ATRX: variants seen among roughly 807,000 people sequenced by gnomAD.
ATRX encodes the protein chromatin remodeler ATRX.
A neutral mutation model predicts 172.6 loss-of-function variants in ATRX; 12 were observed. The observed-to-expected ratio is 0.07, with a 90% CI of 0.04 to 0.11. The LOEUF (loss-of-function observed/expected upper bound fraction) is 0.11, where lower values mean the gene tolerates loss of function less well. Ranked by LOEUF, ATRX falls within the 10% of genes least tolerant of loss-of-function variation. The pLI is 1.00. For missense variants in ATRX, 1,368 were observed against 1,767.4 expected, an observed-to-expected ratio of 0.77 and a Z score of 4.05; for synonymous variants, 674 against 594.7, an observed-to-expected ratio of 1.13 and a Z score of -1.94.
rs782263316 is a variant in ATRX at position 77,651,357 on chromosome X, A to T, written c.4557+757T>A. Among the ~76,000 whole-genome samples the T allele has an allele frequency of 8.1e-5, 9 of 111,104 alleles. No homozygotes were observed. The East Asian group carries it at 2.5e-3, about 31-fold the overall frequency. On this transcript the variant is annotated intron_variant, in intron 15 of 34. Coordinates refer to ENST00000373344, the MANE Select transcript of ATRX (RefSeq NM_000489.6). ...CTGTGAATTTGAAAACTTTTGTAAC[A>T]TAAAGTCCATTTAAAAAACTGAAAT...
At chrX:77,744,751 A>G (rs1557183985) in intron 1 of ATRX, among the ~76,000 whole-genome samples, 1 of 110,787 alleles carries the variant, frequency 9.0e-6, no homozygotes, top group African/African-American at 3.3e-5. Context: ...ACTTTGAGAC[A>G]CCAACGCAGG....
intron 7 of ATRX, among the ~76,000 whole-genome samples, chrX:77,686,923 ATGGG>A (rs1185853149): frequency 5.7e-5 from 6 of 106,125 alleles, no homozygotes; most frequent in African/African-American, 2.1e-4. Context: ...GGAGGCTGAG[ATGGG>A]TGGATCACTT....
intron 22 of ATRX, among the ~76,000 whole-genome samples, chrX:77,602,807 C>T (rs1289753889): frequency 9.1e-6 from 1 of 110,126 alleles, no homozygotes; most frequent in Non-Finnish European, 1.9e-5. Context: ...ATGATAAATG[C>T]CTATGTCAAA....
chrX:77,721,739 A>G (rs781784842), intron 1 of ATRX, among the ~76,000 whole-genome samples: 1 of 111,937 alleles, frequency 8.9e-6, no homozygotes, highest in African/African-American at 3.2e-5. Flanking sequence ...GAAAATGGCC[A>G]TACTGCCCAA....
chrX:77,712,342 A>G (rs1557161801), intron 2 of ATRX, among the ~76,000 whole-genome samples: 1 of 112,318 alleles, frequency 8.9e-6, no homozygotes, highest in African/African-American at 3.2e-5. Context: ...TGTTTGTCCA[A>G]CTGGAGATAC....
intron 1 of ATRX, among the ~76,000 whole-genome samples, chrX:77,719,224 A>AATAC (rs782689284): frequency 2.4e-4 from 27 of 111,735 alleles, no homozygotes; most frequent in South Asian, 3.8e-4. Context: ...TGGTAACCAG[A>AATAC]ATACATAAAG....
At chrX:77,645,574 T>C (rs1408368761) in intron 15 of ATRX, among the ~76,000 whole-genome samples, 1 of 111,765 alleles carries the variant, frequency 8.9e-6, no homozygotes, top group Non-Finnish European at 1.9e-5. Context: ...GTCTTTGGGT[T>C]GAAATGAAAG....
At chrX:77,718,530 C>T (rs370733529) in intron 1 of ATRX, among the ~76,000 whole-genome samples, 33 of 108,676 alleles carry the variant, frequency 3.0e-4, no homozygotes, top group Admixed American at 2.1e-3. Context: ...CCCGCCACCA[C>T]GCCCGGCTAA....
Position 77,726,930 on chromosome X carries a change from T to A in ATRX, c.21-9687A>T, listed in dbSNP as rs1276984901. Among the ~76,000 whole-genome samples the A allele has an allele frequency of 7.2e-5, 8 of 111,038 alleles. No individual in the cohort carries two copies. The Admixed American group carries it at 7.7e-4, about 11-fold the overall frequency. On this transcript the variant is annotated intron_variant, in intron 1 of 34. Coordinates refer to ENST00000373344, the MANE Select transcript of ATRX (RefSeq NM_000489.6). ...ATTTTTTAAAAAAATAGTGTTTTTT[T>A]ATCCATCTGACAAAGGGCTAATATC...
rs1557133313 is a variant in ATRX at position 77,676,218 on chromosome X, A to T, written c.3809+8T>A. On this transcript the variant is annotated splice_region_variant and intron_variant, in intron 10 of 34. Transcript: ENST00000373344. Reference sequence around the variant, plus strand: ...ATCTTTTTAAAGTCCTTACAGATGGAATCATACCTATTCTCAGGATCATTG... The same window carrying T: ...ATCTTTTTAAAGTCCTTACAGATGGTATCATACCTATTCTCAGGATCATTG... 2.5e-6 allele frequency: 3 copies of T among 1,202,041 alleles called. No individual in the cohort carries two copies. The highest frequency in any genetic ancestry group is 1.8e-5 in the South Asian group (1 of 56,681).
intron 1 of ATRX, among the ~76,000 whole-genome samples, chrX:77,775,014 G>A (rs187748362): frequency 1.9e-4 from 21 of 111,459 alleles, no homozygotes; most frequent in Non-Finnish European, 3.4e-4. Flanking sequence ...GATAACAGGT[G>A]TGGGAGGCCG....
chrX:77,525,896 T>C (rs2063365678), intron 30 of ATRX, among the ~76,000 whole-genome samples: 1 of 112,452 alleles, frequency 8.9e-6, no homozygotes. Flanking sequence ...ATTAATTATA[T>C]ATTTAATGGT....
Position 77,738,335 on chromosome X carries a change from C to CA in ATRX, c.21-21093dup, listed in dbSNP as rs782036880. Among the ~76,000 whole-genome samples the CA allele has an allele frequency of 4.8e-3, 341 of 71,074 alleles. 3 individuals carry two copies. Among genetic ancestry groups the CA allele is most frequent in the African/African-American group, 9.6e-3 (184 of 19,261 alleles). The allele number at this position is 71,074 out of a possible 115,157, so 61.7% of individuals were successfully genotyped here. A position where few individuals can be genotyped will look rare whatever the true frequency, so the allele number is the denominator to read the frequency against. On this transcript the variant is annotated intron_variant, in intron 1 of 34. Coordinates refer to ENST00000373344, the MANE Select transcript of ATRX (RefSeq NM_000489.6). ...AGGCGATACAGTGACACCCTGTCTC[C>CA]AAAAAAAAAAAAAACAATAAATAAT...
rs1435953381 is a variant in ATRX, at chrX:77,505,406, T to A, written c.*2945A>T. The A allele has an allele frequency of 5.8e-6, 1 of 172,643 alleles. No homozygotes were observed. The allele number at this position is 172,643 out of a possible 1,213,427, so 14.2% of individuals were successfully genotyped here. A position where few individuals can be genotyped will look rare whatever the true frequency, so the allele number is the denominator to read the frequency against. On this transcript the variant is annotated 3_prime_UTR_variant, in exon 35 of 35. Coordinates refer to ENST00000373344, the MANE Select transcript of ATRX (RefSeq NM_000489.6). ...ATCAAGTGTGGGTTGGTAGCCCTGCTTGACTTAAAATGAGTGTTACAGCTG... is the reference window on the plus strand; with the variant it reads ...ATCAAGTGTGGGTTGGTAGCCCTGCATGACTTAAAATGAGTGTTACAGCTG...
At chrX:77,745,605 G>T (rs1444932898) in intron 1 of ATRX, among the ~76,000 whole-genome samples, 2 of 111,430 alleles carry the variant, frequency 1.8e-5, no homozygotes, top group Non-Finnish European at 3.8e-5. Context: ...GGTAGTGGGG[G>T]CCAGGGCACT....
At chrX:77,603,970 C>T (rs1487105414) in intron 22 of ATRX, among the ~76,000 whole-genome samples, 1 of 111,814 alleles carries the variant, frequency 8.9e-6, no homozygotes, top group Non-Finnish European at 1.9e-5. Flanking sequence ...TAACCATATG[C>T]AAAAATCAAC....
intron 1 of ATRX, among the ~76,000 whole-genome samples, chrX:77,748,618 G>A (rs1193593713): frequency 2.8e-5 from 3 of 107,609 alleles, no homozygotes; most frequent in African/African-American, 1.0e-4. Flanking sequence ...ATGGAGTCTC[G>A]CTCTGTTGCC....
chrX:77,685,210 C>T (rs887379252), intron 7 of ATRX, among the ~76,000 whole-genome samples: 10 of 112,029 alleles, frequency 8.9e-5, no homozygotes, highest in Admixed American at 2.9e-4. Flanking sequence ...AGTTAAAAAG[C>T]TTCTGCACAG....
intron 1 of ATRX, among the ~76,000 whole-genome samples, chrX:77,767,165 CA>C (rs2075991564): frequency 9.1e-6 from 1 of 109,509 alleles, no homozygotes; most frequent in African/African-American, 3.3e-5. Flanking sequence ...GCCGAGATGG[CA>C]GCAGTACAGT....
Sources: gnomAD v4.1 joint callset for allele counts (sites outside exome capture counted in the v4.1 genomes callset) on GRCh38, gnomAD v4.1.1 for gene constraint, MANE v1.5 for transcripts, NCBI Gene and HGNC (gene_info 2026-07-23, HGNC 2026-07-21) for gene names.